The following VIL1 variants were observed in gnomAD, a reference collection of about 807,000 sequenced individuals.
VIL1 encodes the protein villin 1.
VIL1 carries 86 observed loss-of-function variants against 104.0 expected under a neutral mutation model. The observed-to-expected ratio is 0.83, with a 90% confidence interval of 0.69 to 0.99. VIL1 has a LOEUF of 0.99. Ranked by LOEUF, VIL1 falls within the 50% of genes least tolerant of loss-of-function variation. VIL1 has a pLI of 0.00. For missense variants in VIL1, 944 were observed against 1,054.1 expected (o/e 0.90, Z 1.45); for synonymous variants, 394 against 412.6 (o/e 0.95, Z 0.55).
intron 17 of VIL1, 26 bp from the exon 18 acceptor site, chr2:218,438,632 T>C: frequency 6.2e-7 from 1 of 1,602,300 alleles, no homozygotes; most frequent in Non-Finnish European, 8.5e-7. Context: ...GATCCAGGTC[T>C]AATCTGTTAT....
chr2:218,437,238 A>T lies in VIL1; in HGVS notation c.2086A>T (p.Ile696Phe). ...CGGGCGTGACCCTGAGACCCCCATC[A>T]TTGTGGTGAAGCAGGGACACGAGCC... is the stretch of plus-strand genomic sequence containing the variant. Reference protein sequence around the residue: ...PSGRDPETPIIVVKQGHEPPT... With the variant: ...PSGRDPETPIFVVKQGHEPPT... Residue 696 changes from isoleucine (I) to phenylalanine (F), a missense_variant, in exon 17 of 20, where the codon ATT (isoleucine) becomes TTT (phenylalanine). Ile to Phe is a conservative substitution (Grantham distance 21, BLOSUM62 0). Coordinates refer to ENST00000248444, the MANE Select transcript of VIL1 (RefSeq NM_007127.3). 1.9e-6 allele frequency: 3 copies of T among 1,614,166 alleles called. No individual in the cohort carries two copies. The highest frequency in any genetic ancestry group is 2.5e-6 in the Non-Finnish European group (3 of 1,180,018).
At chr2:218,433,912 A>C (rs1030199870) in intron 13 of VIL1, among the ~76,000 whole-genome samples, 1 of 150,882 alleles carries the variant, frequency 6.6e-6, no homozygotes, top group African/African-American at 2.4e-5. Context: ...AAAAAAAAAA[A>C]AAGGCTAGGC....
rs776512449 is a variant in VIL1 at position 218,440,738 on chromosome 2, A to C, written c.2246A>C (p.Lys749Thr). The change falls in exon 19 of 20, where the codon AAA (lysine) becomes ACA (threonine). Residue 749 changes from lysine to threonine, a missense_variant. By Grantham distance (78) the Lys-to-Thr change is moderately conservative. Transcript: ENST00000248444. ...CTTTCCTAGGAGGTCACAAGCCCCA[A>C]AGTGGACGTGTTCAATGCTAACAGC... ...SQITAEVTSPKVDVFNANSNL... is the reference protein window; with the variant it reads ...SQITAEVTSPTVDVFNANSNL... The C allele has an allele frequency of 6.2e-7, 1 of 1,613,936 alleles. No individual in the cohort carries two copies. Among genetic ancestry groups the C allele is most frequent in the African/African-American group, 1.3e-5 (1 of 74,904 alleles).
rs781329138 is a variant in VIL1 at position 218,423,754 on chromosome 2, G to A, written c.-11-14G>A. The A allele has an allele frequency of 8.7e-6, 14 of 1,613,634 alleles. No individual in the cohort carries two copies. The highest frequency in any genetic ancestry group is 4.0e-5 in the African/African-American group (3 of 74,912). On this transcript the variant is annotated splice_polypyrimidine_tract_variant and intron_variant, in intron 1 of 19. Coordinates refer to ENST00000248444, the MANE Select transcript of VIL1 (RefSeq NM_007127.3). ...AACTCAGGGTGCCCCTGCTCCCAAC[G>A]CCTTCTCCCCCAGGCTCACTCACCA...
chr2:218,419,788 C>T (rs551299947), intron 1 of VIL1, among the ~76,000 whole-genome samples: 9 of 152,288 alleles, frequency 5.9e-5, no homozygotes, highest in African/African-American at 2.2e-4. Context: ...CCCCTCTACC[C>T]GGAGCTGCCC....
At chr2:218,438,768 TG>T (rs1689236728) in intron 18 of VIL1, 42 bp downstream of exon 18, 1 of 1,568,590 alleles carries the variant, frequency 6.4e-7, no homozygotes, top group East Asian at 2.3e-5. Context: ...AGTGGCCAGC[TG>T]GTGGTCAGAC....
chr2:218,441,406 A>AT (rs1463860265), intron 19 of VIL1, among the ~76,000 whole-genome samples: 1 of 151,686 alleles, frequency 6.6e-6, no homozygotes, highest in Non-Finnish European at 1.5e-5. Context: ...AAAAAAAAAA[A>AT]GGTATTACAA....
chr2:218,452,428 A>C lies in VIL1; in HGVS notation c.*3092A>C, dbSNP rs1689510461. On this transcript the variant is annotated 3_prime_UTR_variant, in exon 20 of 20. Coordinates refer to ENST00000248444, the MANE Select transcript of VIL1 (RefSeq NM_007127.3). ...ATACAGCCAGCTCAAAAACAACAAC[A>C]AACCCCATCAACATAGTCCAGCTGA... is the stretch of plus-strand genomic sequence containing the variant. The C allele has an allele frequency of 6.6e-6, 1 of 152,154 alleles. No homozygotes were observed. The highest frequency in any genetic ancestry group is 2.1e-4 in the South Asian group (1 of 4,826). The allele number at this position is 152,154 out of a possible 1,614,324, so 9.4% of individuals were successfully genotyped here. A position where few individuals can be genotyped will look rare whatever the true frequency, so the allele number is the denominator to read the frequency against.
At position 218,438,728 on chromosome 2, in the gene VIL1, T is replaced by C; in HGVS notation, c.2229+2T>C. On this transcript the variant is annotated splice_donor_variant, in intron 18 of 19. Coordinates refer to ENST00000248444, the MANE Select transcript of VIL1 (RefSeq NM_007127.3). LOFTEE classifies it high-confidence loss of function. ...AGGGACTGGAGCCAGATCACTGCTG[T>C]GAGTCCGGGGCGGGGTGGCTGGGCC... The C allele has an allele frequency of 6.2e-7, 1 of 1,610,466 alleles. No individual in the cohort carries two copies. The highest frequency in any genetic ancestry group is 8.5e-7 in the Non-Finnish European group (1 of 1,179,088).
intron 18 of VIL1, among the ~76,000 whole-genome samples, chr2:218,438,945 T>TTC (rs1399818309): frequency 2.0e-5 from 3 of 150,618 alleles, no homozygotes; most frequent in African/African-American, 7.3e-5. Flanking sequence ...TTTTTTTTTT[T>TTC]TTTGAGACAC....
chr2:218,446,758 G>A (rs1267237212), intron 19 of VIL1, among the ~76,000 whole-genome samples: 1 of 71,394 alleles, frequency 1.4e-5, no homozygotes, highest in African/African-American at 6.9e-5. Context: ...AAGTGACCTT[G>A]ACTTTTTTTT....
rs908517171 is a variant in VIL1 at position 218,425,540 on chromosome 2, G to A, written c.151-75G>A. The A allele has an allele frequency of 3.3e-6, 5 of 1,501,886 alleles. No homozygotes were observed. The African/African-American group carries it at 6.9e-5, about 21-fold the overall frequency. 93.0% of individuals were successfully genotyped at this position (1,501,886 alleles called of 1,614,324 possible). A position where few individuals can be genotyped will look rare whatever the true frequency, so the allele number is the denominator to read the frequency against. ...TCCCCCATAGTCCTGGACGGCACGT[G>A]TGTGGGAGGTCACACAGAGCTGGAG... On this transcript the variant is annotated intron_variant, in intron 3 of 19. Transcript: ENST00000248444.
At chr2:218,434,820 C>A in intron 14 of VIL1, 115 bp downstream of exon 14, 1 of 1,130,338 alleles carries the variant, frequency 8.8e-7, no homozygotes, top group Non-Finnish European at 1.2e-6. Flanking sequence ...TGTGCCTGCT[C>A]AATTCTCAGC....
Position 218,451,708 on chromosome 2 carries a change from A to G in VIL1, c.*2372A>G, listed in dbSNP as rs1392707065. 1 of 152,382 alleles carries G rather than the reference A, an allele frequency of 6.6e-6. No individual in the cohort carries two copies. The highest frequency in any genetic ancestry group is 1.5e-5 in the Non-Finnish European group (1 of 68,044). The allele number at this position is 152,382 out of a possible 1,614,324, so 9.4% of individuals were successfully genotyped here. On this transcript the variant is annotated 3_prime_UTR_variant, in exon 20 of 20. Transcript: ENST00000248444. ...TGTTTCAGAATTTTATACTTGATCA[A>G]GGAGAAAAATAAATGTGTAGTCTAA...
At chr2:218,423,955 C>T in intron 2 of VIL1, 102 bp downstream of exon 2, 2 of 1,324,278 alleles carry the variant, frequency 1.5e-6, no homozygotes, top group Non-Finnish European at 2.1e-6. Context: ...TCTGCTCCTG[C>T]CCTGAAGCCC....
rs772237911 is a variant in VIL1, at chr2:218,434,197, CAAA to C, written c.1501-316_1501-314del. Among the ~76,000 whole-genome samples, 233 of 92,088 alleles carry C rather than the reference CAAA, an allele frequency of 2.5e-3. 3 individuals carry two copies. The highest frequency in any genetic ancestry group is 0.02 in the South Asian group (53 of 2,676). 60.4% of individuals were successfully genotyped at this position (92,088 alleles called of 152,430 possible). ...GGGGAACAAGAGCAAAACTCCGTCT[CAAA>C]AAAAAAAAAAAAGCCTGGCAGAGCT... On this transcript the variant is annotated intron_variant, in intron 13 of 19. Transcript: ENST00000248444.
At chr2:218,421,879 G>C (rs1688903120) in intron 1 of VIL1, among the ~76,000 whole-genome samples, 1 of 152,180 alleles carries the variant, frequency 6.6e-6, no homozygotes, top group Admixed American at 6.5e-5. Flanking sequence ...CATCGATTTA[G>C]TTAACCCCCT....
rs745739903 is a variant in VIL1 at position 218,437,142 on chromosome 2, A to G, written c.1990A>G (p.Lys664Glu). Residue 664 changes from lysine to glutamate, a missense_variant, in exon 17 of 20, where the codon AAA (lysine) becomes GAA (glutamate). Lys to Glu is a moderately conservative substitution (Grantham distance 56). Coordinates refer to ENST00000248444, the MANE Select transcript of VIL1 (RefSeq NM_007127.3). ...VWDQVFFWIG[K>E]HANEEEKKAA... ...TCAATAGGTCTTCTTCTGGATTGGG[A>G]AACATGCCAACGAGGAGGAGAAGAA... is the stretch of plus-strand genomic sequence containing the variant. The G allele has an allele frequency of 3.7e-6, 6 of 1,614,104 alleles. No homozygotes were observed. The East Asian group carries it at 1.3e-4, about 36-fold the overall frequency.
Position 218,449,363 on chromosome 2 carries a change from T to C in VIL1, c.*27T>C, listed in dbSNP as rs749118512. 1 of 1,540,330 alleles carries C rather than the reference T, an allele frequency of 6.5e-7. No homozygotes were observed. Among genetic ancestry groups the C allele is most frequent in the Non-Finnish European group, 9.0e-7 (1 of 1,113,364 alleles). ...AAGAGTAGCTGTGGTTGTAAAGCAG[T>C]ACCCTACCCTGATTGTAGGGTCTCA... is the stretch of plus-strand genomic sequence containing the variant. On this transcript the variant is annotated 3_prime_UTR_variant, in exon 20 of 20. Transcript: ENST00000248444.
Sources: allele counts gnomAD v4.1 joint callset (sites outside exome capture counted in the v4.1 genomes callset), GRCh38; gene constraint gnomAD v4.1.1; transcripts MANE v1.5; gene names NCBI Gene and HGNC (gene_info 2026-07-23, HGNC 2026-07-21).